SPAG17: variants seen among roughly 807,000 people sequenced by gnomAD.
SPAG17 encodes the protein sperm-associated antigen 17.
In SPAG17, 169 loss-of-function variants were observed where a neutral mutation model predicts 273.6. The ratio of observed to expected loss-of-function variants is 0.62; its 90% CI spans 0.55 to 0.70. The LOEUF (loss-of-function observed/expected upper bound fraction) is 0.70. Ranked by LOEUF, SPAG17 falls within the 30% of genes least tolerant of loss-of-function variation. The pLI, the probability that SPAG17 is intolerant of heterozygous loss-of-function variation, is 0.00. For synonymous variants in SPAG17, 825 were observed against 873.2 expected, an observed-to-expected ratio of 0.94 and a Z score of 0.97; for missense variants, 2,557 against 2,627.8, an observed-to-expected ratio of 0.97 and a Z score of 0.59.
intron 3 of SPAG17, among the ~76,000 whole-genome samples, chr1:118,149,758 C>A (rs1659270573): frequency 6.6e-6 from 1 of 152,176 alleles, no homozygotes; most frequent in East Asian, 1.9e-4. Flanking sequence ...CAAACAAGTT[C>A]GTCTTAGAAA....
chr1:117,958,976 A>C (rs370867106), intron 48 of SPAG17: 78 of 1,613,950 alleles, frequency 4.8e-5, no homozygotes, highest in Non-Finnish European at 6.4e-5. Flanking sequence ...TAAGGGAAAC[A>C]ACTATTTCAA....
chr1:117,988,035 C>A (rs1656633981), intron 39 of SPAG17, 70 bp downstream of exon 39: 5 of 1,445,348 alleles, frequency 3.5e-6, no homozygotes, highest in Non-Finnish European at 4.7e-6. Flanking sequence ...AGTTATAGCA[C>A]CTGCATATTC....
At chr1:118,103,477 C>A (rs1333794586) in intron 4 of SPAG17, among the ~76,000 whole-genome samples, 3 of 152,122 alleles carry the variant, frequency 2.0e-5, no homozygotes, top group African/African-American at 7.2e-5. Context: ...GTAAAGGCTG[C>A]AGGTATCACT....
chr1:117,969,164 A>ATTT (rs138365001), intron 46 of SPAG17, among the ~76,000 whole-genome samples: 3,897 of 151,722 alleles, frequency 0.026, 155 homozygotes, highest in African/African-American at 0.087. Context: ...ATTAATATGC[A>ATTT]TTTTTTTTTA....
chr1:118,145,421 A>C (rs545673295), intron 3 of SPAG17, among the ~76,000 whole-genome samples: 2 of 152,206 alleles, frequency 1.3e-5, no homozygotes, highest in African/African-American at 4.8e-5. Context: ...CATCCAGGAA[A>C]CAGAAGTCAA....
At chr1:118,006,820 T>A (rs753521072) in intron 31 of SPAG17, among the ~76,000 whole-genome samples, 1 of 152,252 alleles carries the variant, frequency 6.6e-6, no homozygotes, top group Non-Finnish European at 1.5e-5. Flanking sequence ...GGGTGTGAAG[T>A]GATATCTCAT....
At chr1:118,050,152 C>A (rs764822682) in intron 20 of SPAG17, among the ~76,000 whole-genome samples, 3 of 152,106 alleles carry the variant, frequency 2.0e-5, no homozygotes, top group African/African-American at 7.2e-5. Context: ...AGCAGGCCAC[C>A]GCACATGTGG....
intron 48 of SPAG17, chr1:117,959,597 G>A: frequency 1.2e-6 from 1 of 804,494 alleles, no homozygotes; most frequent in Non-Finnish European, 1.8e-6. Context: ...AGCTTTGCCT[G>A]AGGGAATTCC....
At chr1:118,082,139 C>T (rs1172875188) in intron 13 of SPAG17, among the ~76,000 whole-genome samples, 3 of 152,188 alleles carry the variant, frequency 2.0e-5, no homozygotes, top group African/African-American at 7.2e-5. Context: ...CATAATTGCA[C>T]TTCAAAGTTT....
Position 118,039,322 on chromosome 1 carries a change from C to G in SPAG17, c.3289G>C (p.Glu1097Gln). The change falls in exon 23 of 49, where the codon GAA becomes CAA. Residue 1097 changes from glutamate to glutamine, a missense_variant. Coordinates refer to ENST00000336338, the MANE Select transcript of SPAG17 (RefSeq NM_206996.4). ...KGDYYLEEEE[E>Q]GDEEQSLETE... Reference sequence around the variant, plus strand: ...TCAAGACTTTGTTCCTCATCTCCTTCTTCTTCCTCTTCTAAATAATAATCC... The same window carrying G: ...TCAAGACTTTGTTCCTCATCTCCTTGTTCTTCCTCTTCTAAATAATAATCC... 5 of 1,613,334 alleles carry G rather than the reference C, an allele frequency of 3.1e-6. No individual in the cohort carries two copies. Among genetic ancestry groups the G allele is most frequent in the Non-Finnish European group, 4.2e-6 (5 of 1,179,534 alleles).
intron 29 of SPAG17, among the ~76,000 whole-genome samples, chr1:118,015,604 A>G (rs140032731): frequency 2.2e-3 from 336 of 152,262 alleles, no homozygotes; most frequent in Middle Eastern, 6.8e-3. Context: ...AAGACATTTT[A>G]CACACATACA....
intron 1 of SPAG17, among the ~76,000 whole-genome samples, chr1:118,179,305 A>C (rs1187822097): frequency 3.9e-5 from 6 of 152,078 alleles, no homozygotes; most frequent in Non-Finnish European, 7.4e-5. Flanking sequence ...CTCATTTTCA[A>C]CAGCAGTGCC....
At chr1:118,169,693 A>G (rs189767578) in intron 1 of SPAG17, among the ~76,000 whole-genome samples, 2 of 152,292 alleles carry the variant, frequency 1.3e-5, no homozygotes, top group African/African-American at 4.8e-5. Flanking sequence ...CCAGTTTATC[A>G]TCTATATATA....
chr1:117,990,963 T>C, intron 37 of SPAG17, 57 bp from the exon 38 acceptor site: 1 of 981,552 alleles, frequency 1.0e-6, no homozygotes, highest in Non-Finnish European at 1.5e-6. Flanking sequence ...ACTTACTTTG[T>C]TTAGAAACAT....
Position 117,953,856 on chromosome 1 carries a change from T to G in SPAG17, c.*194A>C. Reference sequence around the variant, plus strand: ...AAAAATAAGAAAACCAAAAATGTCTTTAAATGCTTTTTGGCACTCTATTCG... The same window carrying G: ...AAAAATAAGAAAACCAAAAATGTCTGTAAATGCTTTTTGGCACTCTATTCG... On this transcript the variant is annotated 3_prime_UTR_variant, in exon 49 of 49. Coordinates refer to ENST00000336338, the MANE Select transcript of SPAG17 (RefSeq NM_206996.4). 1.5e-6 allele frequency: 1 copy of G among 674,522 alleles called. No homozygotes were observed. Among genetic ancestry groups the G allele is most frequent in the Non-Finnish European group, 2.5e-6 (1 of 401,768 alleles). 41.8% of individuals were successfully genotyped at this position (674,522 alleles called of 1,614,324 possible).
intron 1 of SPAG17, among the ~76,000 whole-genome samples, chr1:118,166,120 G>A (rs368612524): frequency 7.2e-5 from 11 of 152,094 alleles, no homozygotes; most frequent in African/African-American, 2.7e-4. Context: ...AATTGTGGAG[G>A]TTTTCTTTCT....
chr1:117,966,515 A>C, intron 47 of SPAG17, 94 bp downstream of exon 47: 2 of 1,168,256 alleles, frequency 1.7e-6, no homozygotes, highest in Non-Finnish European at 2.3e-6. Flanking sequence ...AGATAGAATT[A>C]ATAAAGTAGA....
At chr1:118,183,056 ACATGAACATGAGTT>A (rs1307715896) in intron 1 of SPAG17, among the ~76,000 whole-genome samples, 1 of 152,202 alleles carries the variant, frequency 6.6e-6, no homozygotes, top group Non-Finnish European at 1.5e-5. Flanking sequence ...AGCCTACCCA[ACATGAACATGAGTT>A]CAAAAATACT....
At chr1:118,059,274 G>A (rs1652021143) in intron 18 of SPAG17, among the ~76,000 whole-genome samples, 1 of 152,076 alleles carries the variant, frequency 6.6e-6, no homozygotes, top group African/African-American at 2.4e-5. Flanking sequence ...TCCCTGTGAA[G>A]TAATGTGAAG....
Sources: allele counts gnomAD v4.1 joint callset (sites outside exome capture counted in the v4.1 genomes callset), GRCh38; gene constraint gnomAD v4.1.1; transcripts MANE v1.5; gene names NCBI Gene and HGNC (gene_info 2026-07-23, HGNC 2026-07-21).